NWD2: variants seen among roughly 807,000 people sequenced by gnomAD.
The protein encoded by NWD2 is NACHT and WD repeat domain containing 2, also known as NACHT and WD repeat domain-containing protein 2.
Under a neutral mutation model 132.7 loss-of-function variants are expected in NWD2, and 37 were observed. The observed-to-expected ratio is 0.28, with a 90% CI of 0.21 to 0.37. NWD2 has a LOEUF of 0.37. Ranked by LOEUF, NWD2 falls within the 10% of genes least tolerant of loss-of-function variation. The pLI is 1.00. For missense variants in NWD2, 1,592 were observed against 2,122.4 expected (o/e 0.75, Z 4.91); for synonymous variants, 705 against 803.0 (o/e 0.88, Z 2.06).
intron 1 of NWD2, among the ~76,000 whole-genome samples, chr4:37,294,918 C>T (rs1404858118): frequency 2.0e-5 from 3 of 152,054 alleles, no homozygotes; most frequent in African/African-American, 4.8e-5. Context: ...AAGATGACTT[C>T]GATGTTTGAG....
At chr4:37,373,608 T>C (rs907591074) in intron 3 of NWD2, among the ~76,000 whole-genome samples, 4 of 152,214 alleles carry the variant, frequency 2.6e-5, no homozygotes, top group African/African-American at 9.6e-5. Flanking sequence ...ACTGGAAATG[T>C]TTAGAAAATT....
intron 3 of NWD2, among the ~76,000 whole-genome samples, chr4:37,389,703 T>C (rs1460312002): frequency 3.3e-5 from 5 of 152,186 alleles, no homozygotes; most frequent in African/African-American, 1.2e-4. Context: ...CTGCTGTGAA[T>C]ATAACTTACA....
intron 3 of NWD2, among the ~76,000 whole-genome samples, chr4:37,409,893 A>T (rs1008021552): frequency 4.6e-5 from 7 of 152,232 alleles, no homozygotes; most frequent in Non-Finnish European, 8.8e-5. Flanking sequence ...AGAATTTCAT[A>T]TCCAGCCAAA....
At chr4:37,325,832 C>T (rs1158416393) in intron 1 of NWD2, 104 bp from the exon 2 acceptor site, 1 of 660,362 alleles carries the variant, frequency 1.5e-6, no homozygotes, top group South Asian at 2.0e-5. Flanking sequence ...AGCACCTCAA[C>T]TTGATTGTAT....
intron 3 of NWD2, among the ~76,000 whole-genome samples, chr4:37,383,560 G>A (rs1355815814): frequency 1.3e-5 from 2 of 152,068 alleles, no homozygotes; most frequent in Admixed American, 6.6e-5. Flanking sequence ...TTCTGATCTC[G>A]TAGGTTTCTC....
chr4:37,415,717 A>T (rs1038622899), intron 3 of NWD2, among the ~76,000 whole-genome samples: 3 of 147,422 alleles, frequency 2.0e-5, no homozygotes, highest in Non-Finnish European at 4.4e-5. Context: ...AAAAAAAAAA[A>T]AAATAGGCAA....
At chr4:37,302,989 T>C (rs1718637567) in intron 1 of NWD2, among the ~76,000 whole-genome samples, 1 of 152,236 alleles carries the variant, frequency 6.6e-6, no homozygotes, top group Non-Finnish European at 1.5e-5. Context: ...TTTGCTTTGT[T>C]ACCTGGGCTT....
Position 37,449,445 on chromosome 4 carries a change from A to G in NWD2, c.*2228A>G, listed in dbSNP as rs1712729539. 1 of 152,232 alleles carries G rather than the reference A, an allele frequency of 6.6e-6. No individual in the cohort carries two copies. The allele number at this position is 152,232 out of a possible 1,614,324, so 9.4% of individuals were successfully genotyped here. A position where few individuals can be genotyped will look rare whatever the true frequency, so the allele number is the denominator to read the frequency against. ...TCTTGTGTATGTATTATTTGTATGA[A>G]TAAAAGATAAACTACTTAGATTGGC... On this transcript the variant is annotated 3_prime_UTR_variant, in exon 7 of 7. Coordinates refer to ENST00000309447, the MANE Select transcript of NWD2 (RefSeq NM_001144990.2).
At chr4:37,328,116 C>G (rs60656839) in intron 2 of NWD2, among the ~76,000 whole-genome samples, 28,454 of 151,908 alleles carry the variant, frequency 0.19, 2,771 homozygotes, top group South Asian at 0.32. Flanking sequence ...ACCTTAAGCC[C>G]ATTCATACTT....
At position 37,356,452 on chromosome 4, in the gene NWD2, C is replaced by T. The variant is rs61735138; in HGVS notation, c.327C>T (p.Cys109=). 23,179 of 1,550,914 alleles carry T rather than the reference C, an allele frequency of 0.015. 213 individuals carry two copies. The highest frequency in any genetic ancestry group is 0.018 in the Non-Finnish European group (20,640 of 1,146,322). Residue 109 remains cysteine (C), a synonymous_variant, in exon 3 of 7, where the codon TGC becomes TGT. Coordinates refer to ENST00000309447, the MANE Select transcript of NWD2 (RefSeq NM_001144990.2). ...QKTRMKLLEN[C]LKTSAGPCFV... is the part of the protein sequence containing the mutation. ...CCCGCATGAAGCTGCTGGAGAATTG[C>T]TTGAAAACTTCTGCAGGTCCATGTT...
At chr4:37,342,737 T>C (rs1056325899) in intron 2 of NWD2, among the ~76,000 whole-genome samples, 8 of 152,238 alleles carry the variant, frequency 5.3e-5, no homozygotes, top group African/African-American at 1.7e-4. Context: ...TATCATGTTA[T>C]ATTAGGAATG....
At chr4:37,335,032 A>C (rs1254889520) in intron 2 of NWD2, among the ~76,000 whole-genome samples, 3 of 151,584 alleles carry the variant, frequency 2.0e-5, no homozygotes, top group Non-Finnish European at 2.9e-5. Context: ...CTCTTAATCT[A>C]CTTTACCCAG....
chr4:37,266,471 A>G (rs1717754667), intron 1 of NWD2, among the ~76,000 whole-genome samples: 1 of 152,096 alleles, frequency 6.6e-6, no homozygotes, highest in South Asian at 2.1e-4. Flanking sequence ...TTTTAGCCAG[A>G]AAGAAAGAGA....
At chr4:37,292,551 G>A (rs865853829) in intron 1 of NWD2, among the ~76,000 whole-genome samples, 17 of 152,030 alleles carry the variant, frequency 1.1e-4, no homozygotes, top group Admixed American at 3.3e-4. Context: ...GTGTTATAGC[G>A]GCCTGAATGG....
chr4:37,313,623 A>G (rs1718897609), intron 1 of NWD2, among the ~76,000 whole-genome samples: 1 of 150,772 alleles, frequency 6.6e-6, no homozygotes, highest in Admixed American at 6.6e-5. Context: ...AGCTGTAGGG[A>G]TTTTTGAAGA....
At chr4:37,420,058 A>C (rs1711758652) in intron 3 of NWD2, among the ~76,000 whole-genome samples, 1 of 152,194 alleles carries the variant, frequency 6.6e-6, no homozygotes, top group Non-Finnish European at 1.5e-5. Flanking sequence ...TTTGATAAGC[A>C]AAAAGATCTT....
chr4:37,402,350 T>G (rs1447528467), intron 3 of NWD2, among the ~76,000 whole-genome samples: 1 of 152,242 alleles, frequency 6.6e-6, no homozygotes, highest in African/African-American at 2.4e-5. Flanking sequence ...TCCATTGTAG[T>G]TAGTTCTATG....
chr4:37,439,502 G>A lies in NWD2; in HGVS notation c.1296+112G>A, dbSNP rs553594559. On this transcript the variant is annotated intron_variant, in intron 6 of 6. Transcript: ENST00000309447. This position sits in a 1 kb window ranked among gnomAD's most constrained non-coding sequence, Gnocchi z 4.5. ...GAGTTTACTATGTGAATTATAGTTG[G>A]TCTTTTAGGAGTGAATACTGCAGTG... 1.8e-5 allele frequency: 14 copies of A among 789,052 alleles called. No homozygotes were observed. The highest frequency in any genetic ancestry group is 1.6e-4 in the Admixed American group (5 of 31,264). The allele number at this position is 789,052 out of a possible 1,614,324, so 48.9% of individuals were successfully genotyped here. A position where few individuals can be genotyped will look rare whatever the true frequency, so the allele number is the denominator to read the frequency against.
At chr4:37,287,788 A>G (rs1248671143) in intron 1 of NWD2, among the ~76,000 whole-genome samples, 1 of 152,216 alleles carries the variant, frequency 6.6e-6, no homozygotes, top group African/African-American at 2.4e-5. Context: ...CCACCAAAGG[A>G]CAGTGAAAGT....
Sources: allele counts gnomAD v4.1 joint callset (sites outside exome capture counted in the v4.1 genomes callset), GRCh38; gene constraint gnomAD v4.1.1; non-coding constraint Gnocchi (gnomAD v3.1); transcripts MANE v1.5; gene names NCBI Gene and HGNC (gene_info 2026-07-23, HGNC 2026-07-21).